The following AZIN2 variants were observed in gnomAD, a reference collection of about 807,000 sequenced individuals.
The protein encoded by AZIN2 is ODC antizyme inhibitor-2.
In AZIN2, 28 loss-of-function variants were observed where a neutral mutation model predicts 47.8. That is an observed-to-expected ratio of 0.59 (90% confidence interval 0.43 to 0.80). The LOEUF (loss-of-function observed/expected upper bound fraction) is 0.80. Among genes scored for constraint, AZIN2 ranks in the 30% least tolerant of loss-of-function variants. AZIN2 has a pLI of 0.00. For synonymous variants in AZIN2, 221 were observed against 239.4 expected (o/e 0.92, Z 0.71); for missense variants, 535 against 582.5 (o/e 0.92, Z 0.84).
chr1:33,149,139 T>G, the AZIN2 span, among the ~76,000 whole-genome samples: 3 of 152,180 alleles, frequency 2.0e-5, no homozygotes, highest in Non-Finnish European at 2.9e-5. Flanking sequence ...CTGAAATTCC[T>G]TTTGCCTCTT....
At chr1:33,157,555 T>A in the AZIN2 span, among the ~76,000 whole-genome samples, 1,271 of 152,226 alleles carry the variant, frequency 8.3e-3, 17 homozygotes, top group African/African-American at 0.029. Flanking sequence ...CTACTTTCTA[T>A]CTCACACCCT....
intron 3 of AZIN2, 41 bp from the exon 4 acceptor site, chr1:33,082,137 C>T: frequency 4.6e-6 from 4 of 874,640 alleles, no homozygotes; most frequent in Non-Finnish European, 7.4e-6. Context: ...GCAGCAGAGC[C>T]GGCCCCCCAG....
At chr1:33,086,958 AC>A (rs1641973143) in intron 5 of AZIN2, among the ~76,000 whole-genome samples, 1 of 152,112 alleles carries the variant, frequency 6.6e-6, no homozygotes, top group Admixed American at 6.6e-5. Context: ...ATTTTCTCTT[AC>A]CAACATCCCC....
chr1:33,119,995 C>T (rs765448739), intron 11 of AZIN2, 49 bp from the exon 12 acceptor site: 1 of 1,610,498 alleles, frequency 6.2e-7, no homozygotes, highest in South Asian at 1.1e-5. Flanking sequence ...GGTACAGGGC[C>T]CTGCCAGTCC....
the AZIN2 span, among the ~76,000 whole-genome samples, chr1:33,149,613 C>T: frequency 1.3e-5 from 2 of 151,810 alleles, no homozygotes; most frequent in Non-Finnish European, 2.9e-5. Flanking sequence ...CATCACTATG[C>T]GCAGCTAATT....
chr1:33,165,759 T>C, the AZIN2 span: 1 of 423,928 alleles, frequency 2.4e-6, no homozygotes, highest in Non-Finnish European at 4.2e-6. This position sits in a 1 kb window ranked among gnomAD's most constrained non-coding sequence, Gnocchi z 4.0. Flanking sequence ...CCCGTCCGTA[T>C]CTTTCACCTG....
chr1:33,130,459 G>A, the AZIN2 span, among the ~76,000 whole-genome samples: 2 of 152,204 alleles, frequency 1.3e-5, no homozygotes, highest in Non-Finnish European at 2.9e-5. Flanking sequence ...GAACTGCCCT[G>A]TGGGTAGGTC....
chr1:33,099,880 G>C (rs1643527558), intron 10 of AZIN2, among the ~76,000 whole-genome samples: 1 of 152,208 alleles, frequency 6.6e-6, no homozygotes, highest in Admixed American at 6.5e-5. Flanking sequence ...TGTGGTGCTG[G>C]GAGTGTGTGT....
the AZIN2 span, chr1:33,145,679 G>A: frequency 1.9e-5 from 6 of 321,538 alleles, 1 homozygote; most frequent in Admixed American, 1.3e-4. Flanking sequence ...AGTCAAGGCC[G>A]GGGAGACATT....
At chr1:33,096,963 G>A (rs1643223035) in intron 9 of AZIN2, 94 bp downstream of exon 9, 3 of 1,486,896 alleles carry the variant, frequency 2.0e-6, no homozygotes, top group Non-Finnish European at 2.8e-6. Flanking sequence ...CAGTGGCAGA[G>A]GATGGGGGAA....
intron 4 of AZIN2, chr1:33,083,661 T>G: frequency 2.2e-6 from 1 of 453,938 alleles, no homozygotes; most frequent in Non-Finnish European, 4.1e-6. Context: ...GTGGGGAGGG[T>G]ATTCTGCAGG....
chr1:33,159,930 G>A, the AZIN2 span: 12 of 1,604,584 alleles, frequency 7.5e-6, no homozygotes, highest in Non-Finnish European at 1.0e-5. This position sits in a 1 kb window ranked among gnomAD's most constrained non-coding sequence, Gnocchi z 4.2. Context: ...TGGTCCGCAG[G>A]CTCTTGGTGG....
chr1:33,145,744 G>C, the AZIN2 span: 1 of 405,414 alleles, frequency 2.5e-6, no homozygotes, highest in Non-Finnish European at 5.1e-6. Flanking sequence ...CAGGGATAGA[G>C]CCAAGGGGCA....
At chr1:33,086,580 G>A (rs1375580393) in intron 5 of AZIN2, among the ~76,000 whole-genome samples, 1 of 152,222 alleles carries the variant, frequency 6.6e-6, no homozygotes, top group African/African-American at 2.4e-5. Context: ...TAACAGCGTT[G>A]TGCCTTAGTG....
chr1:33,133,822 AC>A, the AZIN2 span, among the ~76,000 whole-genome samples: 922 of 152,336 alleles, frequency 6.1e-3, 8 homozygotes, highest in South Asian at 0.014. Context: ...AGATTGAGTG[AC>A]CTTGGGCAAG....
the AZIN2 span, among the ~76,000 whole-genome samples, chr1:33,153,285 G>T: frequency 6.6e-6 from 1 of 152,240 alleles, no homozygotes; most frequent in African/African-American, 2.4e-5. Context: ...CAGCCAACCA[G>T]GCTGCTGCTC....
chr1:33,151,009 G>T, the AZIN2 span, among the ~76,000 whole-genome samples: 1 of 152,140 alleles, frequency 6.6e-6, no homozygotes, highest in Non-Finnish European at 1.5e-5. Context: ...CAGAAGGACT[G>T]GTGCGGGGCG....
chr1:33,100,759 C>T (rs982203248), intron 10 of AZIN2, among the ~76,000 whole-genome samples: 5 of 152,178 alleles, frequency 3.3e-5, no homozygotes, highest in South Asian at 2.1e-4. Flanking sequence ...CCCCCATCAT[C>T]GGTGTTGAGC....
At chr1:33,096,398 T>C (rs759828463) in intron 8 of AZIN2, among the ~76,000 whole-genome samples, 7 of 152,162 alleles carry the variant, frequency 4.6e-5, no homozygotes, top group Non-Finnish European at 7.3e-5. Flanking sequence ...TGGTTATTTA[T>C]GAAAGAAAGA....
Sources: allele counts gnomAD v4.1 joint callset (sites outside exome capture counted in the v4.1 genomes callset), GRCh38; gene constraint gnomAD v4.1.1; non-coding constraint Gnocchi (gnomAD v3.1); transcripts MANE v1.5; gene names NCBI Gene and HGNC (gene_info 2026-07-23, HGNC 2026-07-21).